Variants in HMGCLL1 observed in about 807,000 individuals in gnomAD.
The protein encoded by HMGCLL1 is 3-hydroxymethyl-3-methylglutaryl-CoA lyase, cytoplasmic.
HMGCLL1 carries 36 observed loss-of-function variants against 39.1 expected under a neutral mutation model. The ratio of observed to expected loss-of-function variants is 0.92; its 90% CI spans 0.71 to 1.22. HMGCLL1 has a LOEUF of 1.22. Ranked by LOEUF, HMGCLL1 falls within the 50% of genes most tolerant of loss-of-function variation. HMGCLL1 has a pLI of 0.00. For missense variants in HMGCLL1, 451 were observed against 416.5 expected (o/e 1.08, Z -0.72); for synonymous variants, 149 against 144.0 (o/e 1.03, Z -0.25).
intron 7 of HMGCLL1, among the ~76,000 whole-genome samples, chr6:55,458,439 A>T (rs1764421490): frequency 6.6e-6 from 1 of 152,172 alleles, no homozygotes; most frequent in African/African-American, 2.4e-5. Flanking sequence ...CACTCTCCCA[A>T]AAGTTTTATT....
At chr6:55,651,005 C>T in the HMGCLL1 span, among the ~76,000 whole-genome samples, 1 of 152,172 alleles carries the variant, frequency 6.6e-6, no homozygotes, top group South Asian at 2.1e-4. Context: ...GACTTGGGGA[C>T]CCTAAGAGCC....
chr6:55,532,598 C>T (rs556610271), intron 3 of HMGCLL1, among the ~76,000 whole-genome samples: 1 of 151,892 alleles, frequency 6.6e-6, no homozygotes, highest in East Asian at 1.9e-4. Context: ...GTCAGGAGTT[C>T]GAGACCAGCC....
At chr6:55,451,727 A>T (rs1764093477) in intron 7 of HMGCLL1, among the ~76,000 whole-genome samples, 1 of 152,178 alleles carries the variant, frequency 6.6e-6, no homozygotes, top group Non-Finnish European at 1.5e-5. Flanking sequence ...AGTGGGAGAC[A>T]TACCTAATGT....
chr6:55,447,028 C>A (rs930264292), intron 7 of HMGCLL1, among the ~76,000 whole-genome samples: 3 of 151,642 alleles, frequency 2.0e-5, no homozygotes, highest in African/African-American at 7.3e-5. Flanking sequence ...AATAAAATAT[C>A]AAAATATGCT....
intron 3 of HMGCLL1, among the ~76,000 whole-genome samples, chr6:55,540,002 G>A (rs182183446): frequency 0.055 from 417 of 7,554 alleles, 9 homozygotes; most frequent in Non-Finnish European, 0.089. Flanking sequence ...GGAAGGGAGG[G>A]AGGGAGGGAG....
At chr6:55,607,007 A>G in the HMGCLL1 span, among the ~76,000 whole-genome samples, 1 of 152,196 alleles carries the variant, frequency 6.6e-6, no homozygotes, top group Admixed American at 6.6e-5. Context: ...CTAGAATCAT[A>G]AGATTTGTTA....
chr6:55,619,656 G>C, the HMGCLL1 span, among the ~76,000 whole-genome samples: 1 of 152,024 alleles, frequency 6.6e-6, no homozygotes, highest in South Asian at 2.1e-4. Flanking sequence ...AGGGAAAATA[G>C]GGTACTTATC....
At chr6:55,653,715 G>A in the HMGCLL1 span, among the ~76,000 whole-genome samples, 2 of 152,082 alleles carry the variant, frequency 1.3e-5, no homozygotes, top group African/African-American at 4.8e-5. Context: ...CCTGGACCAG[G>A]TCAATGGGAA....
intron 3 of HMGCLL1, among the ~76,000 whole-genome samples, chr6:55,519,084 C>T (rs995269841): frequency 6.6e-6 from 1 of 152,116 alleles, no homozygotes; most frequent in South Asian, 2.1e-4. Flanking sequence ...GGAAATCACA[C>T]ACTGTGATGT....
intron 7 of HMGCLL1, among the ~76,000 whole-genome samples, chr6:55,478,572 A>G (rs1225058175): frequency 6.6e-6 from 1 of 151,534 alleles, no homozygotes; most frequent in Non-Finnish European, 1.5e-5. Flanking sequence ...ATATAATCCA[A>G]AAACTAATTC....
At chr6:55,609,501 G>A in the HMGCLL1 span, among the ~76,000 whole-genome samples, 6 of 152,072 alleles carry the variant, frequency 3.9e-5, no homozygotes, top group Non-Finnish European at 7.4e-5. Context: ...CTCCAGCGAA[G>A]GGCTCAGGGA....
chr6:55,577,613 A>G (rs979273080), intron 1 of HMGCLL1, among the ~76,000 whole-genome samples: 2 of 152,202 alleles, frequency 1.3e-5, no homozygotes, highest in African/African-American at 4.8e-5. Context: ...CATAAAACCC[A>G]CAAAATGTGT....
intron 3 of HMGCLL1, among the ~76,000 whole-genome samples, chr6:55,534,607 A>C (rs912511176): frequency 6.6e-6 from 1 of 152,178 alleles, no homozygotes; most frequent in Non-Finnish European, 1.5e-5. Context: ...AGAGAGGTGG[A>C]CAGCAAGCCT....
chr6:55,654,548 T>A, the HMGCLL1 span, among the ~76,000 whole-genome samples: 2 of 151,882 alleles, frequency 1.3e-5, no homozygotes, highest in South Asian at 2.1e-4. Context: ...TCCTGGCAAT[T>A]AAAAGTTCTG....
At chr6:55,543,470 C>G (rs1270830743) in intron 1 of HMGCLL1, among the ~76,000 whole-genome samples, 3 of 8,782 alleles carry the variant, frequency 3.4e-4, no homozygotes, top group Non-Finnish European at 9.1e-4. Context: ...TCATATATAT[C>G]ATATATAATA....
chr6:55,583,037 G>A (rs1772012224), upstream of HMGCLL1, among the ~76,000 whole-genome samples: 1 of 152,124 alleles, frequency 6.6e-6, no homozygotes. Context: ...CAGCATGACG[G>A]TGGAAATCCT....
chr6:55,540,384 G>A (rs993780126), intron 3 of HMGCLL1, among the ~76,000 whole-genome samples: 3 of 152,134 alleles, frequency 2.0e-5, no homozygotes, highest in African/African-American at 7.2e-5. Context: ...ATCTTTGGGA[G>A]ATAACTAGGT....
the HMGCLL1 span, among the ~76,000 whole-genome samples, chr6:55,676,243 C>A: frequency 6.6e-6 from 1 of 151,810 alleles, no homozygotes; most frequent in African/African-American, 2.4e-5. Flanking sequence ...AATATAAAAA[C>A]AAACAAAGAT....
the HMGCLL1 span, among the ~76,000 whole-genome samples, chr6:55,586,265 G>A: frequency 2.0e-5 from 3 of 152,028 alleles, no homozygotes; most frequent in African/African-American, 7.2e-5. Flanking sequence ...ACACTTCAGG[G>A]AAAGAGACCA....
Sources: allele counts gnomAD v4.1 joint callset (sites outside exome capture counted in the v4.1 genomes callset), GRCh38; gene constraint gnomAD v4.1.1; transcripts MANE v1.5; gene names NCBI Gene and HGNC (gene_info 2026-07-23, HGNC 2026-07-21).